Variants in CCDC122 observed in about 807,000 individuals in gnomAD.
CCDC122 encodes the protein coiled-coil domain-containing protein 122.
CCDC122 carries 38 observed loss-of-function variants against 37.0 expected under a neutral mutation model. The observed-to-expected ratio is 1.03, with a 90% CI of 0.79 to 1.35. CCDC122 has a LOEUF of 1.35. Ranked by LOEUF, CCDC122 falls within the 40% of genes most tolerant of loss-of-function variation. The pLI, the probability that CCDC122 is intolerant of heterozygous loss-of-function variation, is 0.00. For missense variants in CCDC122, 305 were observed against 310.0 expected (o/e 0.98, Z 0.12); for synonymous variants, 83 against 95.6 (o/e 0.87, Z 0.77).
downstream of CCDC122, among the ~76,000 whole-genome samples, chr13:43,833,016 GAC>G (rs376979765): frequency 2.0e-3 from 308 of 152,268 alleles, 1 homozygote; most frequent in Non-Finnish European, 2.7e-3. Flanking sequence ...TTGACTGGAA[GAC>G]ACACAGTCTA....
In CCDC122 at chr13:43,869,363, T is replaced by C; in HGVS notation, c.14A>G (p.Lys5Arg). 1 of 1,608,484 alleles carries C rather than the reference T, an allele frequency of 6.2e-7. No individual in the cohort carries two copies. The highest frequency in any genetic ancestry group is 8.5e-7 in the Non-Finnish European group (1 of 1,176,374). ...AGGAAATCCTTGACTCTTCCTTTCTTTGTTGTCTGACATTTTCTGTGTCTG... is the reference window on the plus strand; with the variant it reads ...AGGAAATCCTTGACTCTTCCTTTCTCTGTTGTCTGACATTTTCTGTGTCTG... MSDN[K>R]ERKSQGFPKE... Residue 5 changes from lysine to arginine, a missense_variant, in exon 3 of 7, where the codon AAA (lysine) becomes AGA (arginine). Transcript: ENST00000444614.
chr13:43,879,562 C>T (rs1458138499), intron 1 of CCDC122, 69 bp downstream of exon 1: 6 of 152,242 alleles, frequency 3.9e-5, no homozygotes, highest in African/African-American at 1.2e-4. Context: ...TGGCTCATCC[C>T]GGGATTCCCC....
chr13:43,865,720 C>A (rs1303865184), intron 4 of CCDC122, among the ~76,000 whole-genome samples: 2 of 152,116 alleles, frequency 1.3e-5, no homozygotes, highest in Admixed American at 1.3e-4. Flanking sequence ...CTGCCTCGGC[C>A]TCCCAAAGTG....
chr13:43,841,156 T>G (rs1211136760), intron 6 of CCDC122, among the ~76,000 whole-genome samples: 1 of 152,228 alleles, frequency 6.6e-6, no homozygotes, highest in Non-Finnish European at 1.5e-5. Context: ...ATGTTTCTAT[T>G]TAGGGGTTTT....
At position 43,862,300 on chromosome 13, in the gene CCDC122, C is replaced by T. The variant is rs138232806; in HGVS notation, c.157-2230G>A. ...TTGATTAAATATGTATAGTTCCTTC[C>T]GACCTAACGGCTTTTTAAATTATTG... On this transcript the variant is annotated intron_variant, in intron 4 of 6. Coordinates refer to ENST00000444614, the MANE Select transcript of CCDC122 (RefSeq NM_144974.5). Among the ~76,000 whole-genome samples the T allele has an allele frequency of 3.5e-3, 534 of 152,182 alleles. 4 individuals are homozygous for T. The highest frequency in any genetic ancestry group is 0.012 in the African/African-American group (516 of 41,532).
chr13:43,824,845 G>A (rs1953024631), intron 3 of CCDC122, among the ~76,000 whole-genome samples: 1 of 152,186 alleles, frequency 6.6e-6, no homozygotes, highest in South Asian at 2.1e-4. Flanking sequence ...AACCCACAAT[G>A]AGATACCATC....
At chr13:43,854,783 A>G (rs1205375523) in intron 6 of CCDC122, 1 of 152,230 alleles carries the variant, frequency 6.6e-6, no homozygotes, top group Non-Finnish European at 1.5e-5. Context: ...ATCACCATCA[A>G]GTAAGCTTTA....
chr13:43,842,018 C>T (rs1209464190), intron 6 of CCDC122, among the ~76,000 whole-genome samples: 2 of 152,186 alleles, frequency 1.3e-5, no homozygotes, highest in Non-Finnish European at 2.9e-5. Flanking sequence ...TTTTCATTTT[C>T]TTAATGGTGT....
At chr13:43,855,386 C>A (rs1006675462) in intron 6 of CCDC122, 3 of 151,942 alleles carry the variant, frequency 2.0e-5, no homozygotes, top group Non-Finnish European at 4.4e-5. Flanking sequence ...CACACACACA[C>A]ACACACACCC....
Position 43,865,066 on chromosome 13 carries a change from C to T in CCDC122, c.156+3628G>A, listed in dbSNP as rs563568818. ...CCAGAGACAGCATAGAAGCTCCTTG[C>T]AGGCCCCCTCCCACATACCTATCCC... On this transcript the variant is annotated intron_variant, in intron 4 of 6. Coordinates refer to ENST00000444614, the MANE Select transcript of CCDC122 (RefSeq NM_144974.5). Among the ~76,000 whole-genome samples the T allele has an allele frequency of 3.9e-5, 6 of 152,250 alleles. No homozygotes were observed. In the East Asian group the frequency reaches 1.2e-3, roughly 29 times the overall value.
At chr13:43,835,397 A>G (rs1204573728), downstream of CCDC122, among the ~76,000 whole-genome samples, 2 of 152,168 alleles carry the variant, frequency 1.3e-5, no homozygotes, top group Non-Finnish European at 2.9e-5. Context: ...CCAACATGGC[A>G]CATGTATACA....
chr13:43,837,244 G>T lies in CCDC122; in HGVS notation c.*36C>A. 6.3e-7 allele frequency: 1 copy of T among 1,583,520 alleles called. No homozygotes were observed. The highest frequency in any genetic ancestry group is 8.6e-7 in the Non-Finnish European group (1 of 1,166,900). On this transcript the variant is annotated 3_prime_UTR_variant, in exon 7 of 7. Coordinates refer to ENST00000444614, the MANE Select transcript of CCDC122 (RefSeq NM_144974.5). ...AATGTTCTGTCCAGTAATTTTTGTT[G>T]TCATGGTCTGTGTTCCACATTGCCC...
At chr13:43,823,776 GCA>G (rs1189402298), downstream of CCDC122, 1 of 152,472 alleles carries the variant, frequency 6.6e-6, no homozygotes. Flanking sequence ...TCCCTCAAGT[GCA>G]CAGATTCTCT....
chr13:43,833,646 A>G (rs1419926832), downstream of CCDC122, among the ~76,000 whole-genome samples: 1 of 152,182 alleles, frequency 6.6e-6, no homozygotes, highest in Non-Finnish European at 1.5e-5. Context: ...CGCATTGACT[A>G]AACAATTGCA....
chr13:43,836,314 G>A (rs1382935067), downstream of CCDC122: 13 of 152,314 alleles, frequency 8.5e-5, no homozygotes, highest in Admixed American at 7.9e-4. Flanking sequence ...AGAGTTACAT[G>A]ATGTTATAAC....
chr13:43,822,465 C>G (rs981020431), downstream of CCDC122, among the ~76,000 whole-genome samples: 3 of 152,200 alleles, frequency 2.0e-5, no homozygotes, highest in Admixed American at 2.0e-4. Flanking sequence ...CACTCAAGGC[C>G]CTAGGGCTCT....
downstream of CCDC122, among the ~76,000 whole-genome samples, chr13:43,822,523 G>A (rs1228540475): frequency 6.6e-6 from 1 of 152,234 alleles, no homozygotes; most frequent in Non-Finnish European, 1.5e-5. Context: ...CCTTCTTTAA[G>A]GGTGGTAAGT....
chr13:43,860,910 A>G (rs1954081636), intron 4 of CCDC122, among the ~76,000 whole-genome samples: 2 of 152,198 alleles, frequency 1.3e-5, no homozygotes. Context: ...ACCTCAGCCT[A>G]TTACTCCTTG....
At position 43,870,527 on chromosome 13, in the gene CCDC122, A is replaced by C. The variant is rs369409346; in HGVS notation, c.-113-1038T>G. 2.6e-5 allele frequency among the ~76,000 whole-genome samples: 4 copies of C among 152,180 alleles called. No individual in the cohort carries two copies. The East Asian group carries it at 5.8e-4, about 22-fold the overall frequency. ...TTCAGTATATACTGTCAGTTCTCTC[A>C]ATTAATTACAATGGTAAATACTTAC... On this transcript the variant is annotated intron_variant, in intron 2 of 6. Transcript: ENST00000444614.
Sources: gnomAD v4.1 joint callset for allele counts (sites outside exome capture counted in the v4.1 genomes callset) on GRCh38, gnomAD v4.1.1 for gene constraint, MANE v1.5 for transcripts, NCBI Gene and HGNC (gene_info 2026-07-23, HGNC 2026-07-21) for gene names.